The following COL14A1 variants were observed in gnomAD, a reference collection of about 807,000 sequenced individuals.
COL14A1 encodes the protein collagen alpha-1(XIV) chain.
A neutral mutation model predicts 230.3 loss-of-function variants in COL14A1; 136 were observed. That is an observed-to-expected ratio of 0.59 (90% CI 0.51 to 0.68). The LOEUF is 0.68. COL14A1 is among the 30% of genes least tolerant of loss of function. The probability of loss-of-function intolerance (pLI) is 0.00; values close to 1 mark genes in which losing one functional copy is unlikely to be tolerated. For synonymous variants in COL14A1, 792 were observed against 784.1 expected (o/e 1.01, Z -0.17); for missense variants, 1,976 against 2,215.8 (o/e 0.89, Z 2.17).
At position 120,283,693 on chromosome 8, in the gene COL14A1, T is replaced by A; in HGVS notation, c.3882T>A (p.Ile1294=). The change falls in exon 32 of 48, where the codon ATT becomes ATA. Residue 1294 remains isoleucine, a synonymous_variant. Transcript: ENST00000297848. ...ACACAATCAGTTTTCTATTCCGGAT[T>A]CTTCCTGACACTCCACAGGAGCCAT... ...SDYTISFLFR[I]LPDTPQEPFA... 6.2e-7 allele frequency: 1 copy of A among 1,613,926 alleles called. No homozygotes were observed. The highest frequency in any genetic ancestry group is 8.5e-7 in the Non-Finnish European group (1 of 1,179,910).
In COL14A1 at chr8:120,280,109, T is replaced by C. The variant is rs1029147800; in HGVS notation, c.3646+10T>C. On this transcript the variant is annotated intron_variant, in intron 29 of 47. Coordinates refer to ENST00000297848, the MANE Select transcript of COL14A1 (RefSeq NM_021110.4). ...GAAACAGCATCAGCAAGTTAGTTCT[T>C]TGGAATTTGTACTTACTCATGTTGC... 1.9e-6 allele frequency: 3 copies of C among 1,613,344 alleles called. No homozygotes were observed. The highest frequency in any genetic ancestry group is 2.5e-6 in the Non-Finnish European group (3 of 1,179,624).
intron 45 of COL14A1, among the ~76,000 whole-genome samples, chr8:120,365,370 A>T (rs1823374737): frequency 1.3e-5 from 2 of 152,182 alleles, no homozygotes; most frequent in South Asian, 4.1e-4. Context: ...GGTGTTAGTC[A>T]TCAGTATATT....
At chr8:120,367,056 C>G in intron 45 of COL14A1, 115 bp from the exon 46 acceptor site, 1 of 723,908 alleles carries the variant, frequency 1.4e-6, no homozygotes, top group East Asian at 2.8e-5. Context: ...TAACCCCAAA[C>G]GAACCCACTT....
chr8:120,210,738 G>A (rs1055759219), intron 12 of COL14A1, among the ~76,000 whole-genome samples: 3 of 152,066 alleles, frequency 2.0e-5, no homozygotes, highest in African/African-American at 4.8e-5. Flanking sequence ...GCAATTCAGA[G>A]AACTTGATTG....
intron 4 of COL14A1, among the ~76,000 whole-genome samples, chr8:120,166,738 C>G (rs572387227): frequency 6.6e-6 from 1 of 151,882 alleles, no homozygotes; most frequent in South Asian, 2.1e-4. Flanking sequence ...TAGAGAGACA[C>G]AAGGCAACCT....
At chr8:120,349,278 G>T (rs2130307833) in intron 45 of COL14A1, among the ~76,000 whole-genome samples, 1 of 149,528 alleles carries the variant, frequency 6.7e-6, no homozygotes, top group East Asian at 2.0e-4. Context: ...AAACCACAAA[G>T]ATGGGGAAAA....
intron 42 of COL14A1, among the ~76,000 whole-genome samples, chr8:120,338,139 A>G (rs1822148367): frequency 6.6e-6 from 1 of 152,244 alleles, no homozygotes; most frequent in Admixed American, 6.5e-5. Flanking sequence ...ATAGCAAGAA[A>G]ACTGTCAAAA....
intron 35 of COL14A1, among the ~76,000 whole-genome samples, chr8:120,300,289 CTTTG>C (rs958560856): frequency 1.8e-4 from 28 of 151,988 alleles, no homozygotes; most frequent in African/African-American, 5.8e-4. Flanking sequence ...TTTTGTTTTT[CTTTG>C]TTTGTTTTAG....
At chr8:120,304,906 G>A (rs1820812832) in intron 36 of COL14A1, among the ~76,000 whole-genome samples, 1 of 152,002 alleles carries the variant, frequency 6.6e-6, no homozygotes, top group Admixed American at 6.6e-5. Flanking sequence ...AAAACTCAGG[G>A]GATTGTATTA....
Position 120,226,524 on chromosome 8 carries a change from CA to C in COL14A1, c.1865-99del. ...CCTTCTTTCCTGTGCTTTCCTAAAG[CA>C]AAAGATTCCTCAAAGAGTCTTCTAC... On this transcript the variant is annotated intron_variant, in intron 15 of 47. Coordinates refer to ENST00000297848, the MANE Select transcript of COL14A1 (RefSeq NM_021110.4). 5 of 1,255,948 alleles carry C rather than the reference CA, an allele frequency of 4.0e-6. No homozygotes were observed. In the South Asian group the frequency reaches 8.6e-5, roughly 21 times the overall value. 77.8% of individuals were successfully genotyped at this position (1,255,948 alleles called of 1,614,324 possible). A position where few individuals can be genotyped will look rare whatever the true frequency, so the allele number is the denominator to read the frequency against.
chr8:120,262,041 G>T (rs1819343516), intron 23 of COL14A1, among the ~76,000 whole-genome samples: 1 of 152,092 alleles, frequency 6.6e-6, no homozygotes, highest in South Asian at 2.1e-4. Flanking sequence ...ACCCATACCT[G>T]TATCTTTAGA....
At chr8:120,221,727 C>G (rs1163539012) in intron 14 of COL14A1, among the ~76,000 whole-genome samples, 1 of 152,168 alleles carries the variant, frequency 6.6e-6, no homozygotes, top group Non-Finnish European at 1.5e-5. Context: ...CAAGGCCTAA[C>G]TAGACATTCC....
At chr8:120,248,830 G>A (rs900368220) in intron 21 of COL14A1, among the ~76,000 whole-genome samples, 7 of 151,660 alleles carry the variant, frequency 4.6e-5, no homozygotes, top group African/African-American at 1.7e-4. Flanking sequence ...ACTCCAGCCT[G>A]GGCAACAAAG....
intron 42 of COL14A1, among the ~76,000 whole-genome samples, chr8:120,336,904 G>T (rs780991002): frequency 6.6e-6 from 1 of 152,094 alleles, no homozygotes; most frequent in African/African-American, 2.4e-5. Context: ...CTTCTTTAAG[G>T]CTGCACATCT....
At chr8:120,360,680 A>T (rs1823167865) in intron 45 of COL14A1, among the ~76,000 whole-genome samples, 1 of 152,166 alleles carries the variant, frequency 6.6e-6, no homozygotes, top group Non-Finnish European at 1.5e-5. Context: ...CTGTTTTCAC[A>T]TTGCATTATA....
chr8:120,369,851 C>T (rs1057271583), intron 47 of COL14A1, among the ~76,000 whole-genome samples: 1 of 152,128 alleles, frequency 6.6e-6, no homozygotes, highest in East Asian at 1.9e-4. Flanking sequence ...GTGGCCAAGA[C>T]GTCCCATAAA....
chr8:120,296,843 T>C (rs577386194), intron 34 of COL14A1, among the ~76,000 whole-genome samples: 3 of 152,000 alleles, frequency 2.0e-5, no homozygotes, highest in Admixed American at 2.0e-4. Flanking sequence ...ATTCTCACAA[T>C]ACTGAATGTG....
rs531379414 is a variant in COL14A1 at position 120,360,256 on chromosome 8, T to C, written c.5078-6915T>C. On this transcript the variant is annotated intron_variant, in intron 45 of 47. Coordinates refer to ENST00000297848, the MANE Select transcript of COL14A1 (RefSeq NM_021110.4). ...CCAGAAGGAGCAGATACAGGTTTTG[T>C]GGAACCTGAAGCTTACGACTTGGGG... Among the ~76,000 whole-genome samples, 6 of 152,346 alleles carry C rather than the reference T, an allele frequency of 3.9e-5. No individual in the cohort carries two copies. In the South Asian group the frequency reaches 1.2e-3, roughly 32 times the overall value.
chr8:120,216,464 A>C lies in COL14A1; in HGVS notation c.1711A>C (p.Asn571His). 1 of 1,609,376 alleles carries C rather than the reference A, an allele frequency of 6.2e-7. No homozygotes were observed. Among genetic ancestry groups the C allele is most frequent in the Non-Finnish European group, 8.5e-7 (1 of 1,178,152 alleles). The change falls in exon 14 of 48, where the codon AAT (asparagine) becomes CAT (histidine). Residue 571 changes from asparagine to histidine, a missense_variant. Physicochemically the swap from Asn to His is moderately conservative, Grantham distance 68. Coordinates refer to ENST00000297848, the MANE Select transcript of COL14A1 (RefSeq NM_021110.4). ...CAATGGTTATCGAATTGTATATAAC[A>C]ATGCAGATGGGACTGAAATCAATGA... ...QINGYRIVYN[N>H]ADGTEINEVE... is the part of the protein sequence containing the mutation.
Sources: allele counts gnomAD v4.1 joint callset (sites outside exome capture counted in the v4.1 genomes callset), GRCh38; gene constraint gnomAD v4.1.1; transcripts MANE v1.5; gene names NCBI Gene and HGNC (gene_info 2026-07-23, HGNC 2026-07-21).